PGPEP1L: variants seen among roughly 807,000 people sequenced by gnomAD.
PGPEP1L encodes the protein pyroglutamyl-peptidase 1-like protein.
A neutral mutation model predicts 6.0 loss-of-function variants in PGPEP1L; 7 were observed. The ratio of observed to expected loss-of-function variants is 1.17; its 90% CI spans 0.66 to 2.19. The LOEUF (loss-of-function observed/expected upper bound fraction) is 2.19. PGPEP1L is among the 30% of genes most tolerant of loss of function. The pLI is 0.00. For missense variants in PGPEP1L, 209 were observed against 192.5 expected (o/e 1.09, Z -0.51); for synonymous variants, 103 against 83.9 (o/e 1.23, Z -1.24).
In PGPEP1L at chr15:98,969,537, C is replaced by A; in HGVS notation, c.97G>T (p.Val33Leu). The change falls in exon 4 of 5, where the codon GTG becomes TTG. Residue 33 changes from valine to leucine, a missense_variant. By Grantham distance (32) the Val-to-Leu change is conservative. Coordinates refer to ENST00000535714, the MANE Select transcript of PGPEP1L (RefSeq NM_001167902.2). ...ACGTCTGGGCTGCCAGGTAGGCACACGCCGCCCTCGGGCCAGAAGCTGCGG... is the reference window on the plus strand; with the variant it reads ...ACGTCTGGGCTGCCAGGTAGGCACAAGCCGCCCTCGGGCCAGAAGCTGCGG... ...DIRSFWPEGG[V>L]CLPGSPDVLE... is the part of the protein sequence containing the mutation. The A allele has an allele frequency of 6.2e-7, 1 of 1,614,030 alleles. No individual in the cohort carries two copies. The highest frequency in any genetic ancestry group is 1.3e-5 in the African/African-American group (1 of 75,070).
In PGPEP1L at chr15:98,978,880, C is replaced by T. The variant is rs552669144; in HGVS notation, c.-141-7722G>A. On this transcript the variant is annotated intron_variant, in intron 2 of 4. Transcript: ENST00000535714. The stretch of plus-strand genomic sequence containing the variant: ...GAGTAGCTGGGACTACAGGCACGCG[C>T]CATCACGCCCAGTTAATTTTTGTGT... 3.1e-3 allele frequency among the ~76,000 whole-genome samples: 471 copies of T among 151,518 alleles called. 3 individuals are homozygous for T. Among genetic ancestry groups the T allele is most frequent in the Middle Eastern group, 6.8e-3 (2 of 294 alleles).
rs113121882 is a variant in PGPEP1L, at chr15:98,982,700, C to T, written c.-141-11542G>A. Among the ~76,000 whole-genome samples the T allele has an allele frequency of 4.1e-3, 215 of 52,482 alleles. 4 individuals carry two copies. The highest frequency in any genetic ancestry group is 0.031 in the Middle Eastern group (2 of 64). The allele number at this position is 52,482 out of a possible 152,430, so 34.4% of individuals were successfully genotyped here. ...TCACTCTGGTTATTTTTATCTGAGG[C>T]TTTTTTTTTTTTTTTTTTTTTTTTT... On this transcript the variant is annotated intron_variant, in intron 2 of 4. Transcript: ENST00000535714.
chr15:98,976,871 C>G lies in PGPEP1L; in HGVS notation c.-141-5713G>C, dbSNP rs532732308. The stretch of plus-strand genomic sequence containing the variant: ...TCACTGAATTATCACAGCAACCTTT[C>G]AAGTTAACAAGAGGAGAAACAAGGA... On this transcript the variant is annotated intron_variant, in intron 2 of 4. Transcript: ENST00000535714. Among the ~76,000 whole-genome samples, 9 of 152,228 alleles carry G rather than the reference C, an allele frequency of 5.9e-5. No homozygotes were observed. The South Asian group carries it at 1.2e-3, about 21-fold the overall frequency.
intron 2 of PGPEP1L, among the ~76,000 whole-genome samples, chr15:98,971,563 C>A (rs1360728242): frequency 6.6e-6 from 1 of 152,068 alleles, no homozygotes; most frequent in East Asian, 1.9e-4. Context: ...AATACTGTAC[C>A]CAGCAAAGCT....
intron 4 of PGPEP1L, among the ~76,000 whole-genome samples, chr15:98,968,975 G>A (rs1366408732): frequency 6.6e-6 from 1 of 152,226 alleles, no homozygotes; most frequent in African/African-American, 2.4e-5. Flanking sequence ...TCTCATTCAT[G>A]TCTTCGTTGA....
Position 98,998,182 on chromosome 15 carries a change from A to T in PGPEP1L, c.-142+7247T>A, listed in dbSNP as rs183953440. The T allele has an allele frequency of 5.9e-3, 906 of 152,810 alleles. 5 individuals carry two copies. The highest frequency in any genetic ancestry group is 0.015 in the Admixed American group (227 of 15,304). The allele number at this position is 152,810 out of a possible 1,614,324, so 9.5% of individuals were successfully genotyped here. Reference sequence around the variant, plus strand: ...CCAAAACCTGAAACCAAACATGCCCAGGTTTGCTCAAGCCAGACCTTGGGA... The same window carrying T: ...CCAAAACCTGAAACCAAACATGCCCTGGTTTGCTCAAGCCAGACCTTGGGA... On this transcript the variant is annotated intron_variant, in intron 2 of 4. Coordinates refer to ENST00000535714, the MANE Select transcript of PGPEP1L (RefSeq NM_001167902.2).
intron 2 of PGPEP1L, among the ~76,000 whole-genome samples, chr15:98,992,970 G>A (rs782241179): frequency 2.6e-5 from 4 of 152,156 alleles, no homozygotes; most frequent in East Asian, 1.9e-4. Flanking sequence ...AGACTTAAAC[G>A]TAAGAAACAT....
At position 98,981,231 on chromosome 15, in the gene PGPEP1L, G is replaced by A. The variant is rs533970937; in HGVS notation, c.-141-10073C>T. On this transcript the variant is annotated intron_variant, in intron 2 of 4. Coordinates refer to ENST00000535714, the MANE Select transcript of PGPEP1L (RefSeq NM_001167902.2). ...AGTCTGGCCGGGCGCGGTGGCTCCC[G>A]CCTGTAATCCCAGCACTTTGGGAGG... Among the ~76,000 whole-genome samples the A allele has an allele frequency of 1.1e-4, 16 of 152,136 alleles. No homozygotes were observed. In the South Asian group the frequency reaches 2.3e-3, roughly 22 times the overall value.
chr15:98,968,784 C>G (rs1042249498), intron 4 of PGPEP1L, 87 bp from the exon 5 acceptor site: 25 of 1,270,872 alleles, frequency 2.0e-5, no homozygotes, highest in Non-Finnish European at 2.6e-5. Context: ...GCAACACCCA[C>G]AAAGCCTGAG....
chr15:98,997,249 T>C (rs1011818415), intron 2 of PGPEP1L, among the ~76,000 whole-genome samples: 2 of 152,208 alleles, frequency 1.3e-5, no homozygotes, highest in African/African-American at 2.4e-5. Flanking sequence ...AGCTTTTTCC[T>C]GGTTGAAAGG....
chr15:98,980,330 T>C (rs1329336524), intron 2 of PGPEP1L, among the ~76,000 whole-genome samples: 2 of 151,712 alleles, frequency 1.3e-5, no homozygotes, highest in Admixed American at 1.3e-4. Flanking sequence ...CCTAGGATAG[T>C]AAAGGGAGGA....
chr15:98,969,564 T>A lies in PGPEP1L; in HGVS notation c.70A>T (p.Ile24Phe). 2.5e-6 allele frequency: 4 copies of A among 1,613,978 alleles called. No individual in the cohort carries two copies. Among genetic ancestry groups the A allele is most frequent in the Non-Finnish European group, 3.4e-6 (4 of 1,179,896 alleles). The change falls in exon 4 of 5, where the codon ATC (isoleucine) becomes TTC (phenylalanine). Residue 24 changes from isoleucine (I) to phenylalanine (F), a missense_variant. By Grantham distance (21) the Ile-to-Phe change is conservative. Coordinates refer to ENST00000535714, the MANE Select transcript of PGPEP1L (RefSeq NM_001167902.2). ...CCGCCCTCGGGCCAGAAGCTGCGGA[T>A]GTCGGCGTCCCGGTAGCCTTGGTTC... Reference protein sequence around the residue: ...GKNQGYRDADIRSFWPEGGVC... With the variant: ...GKNQGYRDADFRSFWPEGGVC...
chr15:98,979,462 A>G (rs1338798376), intron 2 of PGPEP1L, among the ~76,000 whole-genome samples: 3 of 152,162 alleles, frequency 2.0e-5, no homozygotes, highest in Non-Finnish European at 1.5e-5. Context: ...TGGTTATTTA[A>G]TAAGTGCCCA....
At chr15:98,970,274 C>T (rs1371739388) in intron 3 of PGPEP1L, among the ~76,000 whole-genome samples, 1 of 151,374 alleles carries the variant, frequency 6.6e-6, no homozygotes, top group Non-Finnish European at 1.5e-5. Flanking sequence ...AAACTCCTGA[C>T]CTCAAGTGAT....
rs57923635 is a variant in PGPEP1L at position 98,987,165 on chromosome 15, C to CAAAAAAAAAAAA, written c.-141-16019_-141-16008dup. ...TGGGTGACAGAGTGAGACTCCATCT[C>CAAAAAAAAAAAA]AAAAAAAAAAAAAAAAAAAAAAAAA... On this transcript the variant is annotated intron_variant, in intron 2 of 4. Coordinates refer to ENST00000535714, the MANE Select transcript of PGPEP1L (RefSeq NM_001167902.2). Among the ~76,000 whole-genome samples the CAAAAAAAAAAAA allele has an allele frequency of 2.5e-3, 83 of 33,394 alleles. 5 individuals are homozygous for CAAAAAAAAAAAA. The highest frequency in any genetic ancestry group is 6.8e-3 in the African/African-American group (60 of 8,792). 21.9% of individuals were successfully genotyped at this position (33,394 alleles called of 152,430 possible).
intron 2 of PGPEP1L, among the ~76,000 whole-genome samples, chr15:98,994,271 A>C (rs1555472313): frequency 6.6e-6 from 1 of 152,146 alleles, no homozygotes; most frequent in Non-Finnish European, 1.5e-5. Context: ...GTCTCAAAAA[A>C]CAAAAACCTT....
chr15:98,982,176 A>T (rs1416689274), intron 2 of PGPEP1L, among the ~76,000 whole-genome samples: 1 of 152,234 alleles, frequency 6.6e-6, no homozygotes, highest in Admixed American at 6.5e-5. Flanking sequence ...AAGCCACAGC[A>T]GACACCCTCC....
intron 2 of PGPEP1L, among the ~76,000 whole-genome samples, chr15:98,976,877 A>G (rs547794234): frequency 6.6e-6 from 1 of 152,320 alleles, no homozygotes; most frequent in South Asian, 2.1e-4. Context: ...CTTTCAAGTT[A>G]ACAAGAGGAG....
At chr15:98,999,651 G>A (rs2017933085) in intron 2 of PGPEP1L, among the ~76,000 whole-genome samples, 1 of 152,108 alleles carries the variant, frequency 6.6e-6, no homozygotes, top group Non-Finnish European at 1.5e-5. Context: ...ATTTGTAATA[G>A]ACCAAAGCTG....
Sources: gnomAD v4.1 joint callset for allele counts (sites outside exome capture counted in the v4.1 genomes callset) on GRCh38, gnomAD v4.1.1 for gene constraint, MANE v1.5 for transcripts, NCBI Gene and HGNC (gene_info 2026-07-23, HGNC 2026-07-21) for gene names.